SLC49A4: variants seen among roughly 807,000 people sequenced by gnomAD.
SLC49A4 encodes disrupted in renal cancer protein 2.
SLC49A4 carries 36 observed loss-of-function variants against 50.6 expected under a neutral mutation model. The observed-to-expected ratio is 0.71, with a 90% CI of 0.55 to 0.94. The LOEUF (loss-of-function observed/expected upper bound fraction) is 0.94. Ranked by LOEUF, SLC49A4 falls within the 40% of genes least tolerant of loss-of-function variation. The probability of loss-of-function intolerance (pLI) is 0.00; values close to 1 mark genes in which losing one functional copy is unlikely to be tolerated. For synonymous variants in SLC49A4, 248 were observed against 241.2 expected, an observed-to-expected ratio of 1.03 and a Z score of -0.26; for missense variants, 503 against 605.7, an observed-to-expected ratio of 0.83 and a Z score of 1.78.
At chr3:122,856,492 G>A (rs1936991402) in intron 6 of SLC49A4, 118 bp downstream of exon 6, 1 of 914,362 alleles carries the variant, frequency 1.1e-6, no homozygotes, top group Non-Finnish European at 1.7e-6. Context: ...GCAAAGGTCA[G>A]AAAGGGGTAC....
chr3:122,853,248 C>T (rs1936946795), intron 5 of SLC49A4, among the ~76,000 whole-genome samples: 2 of 152,284 alleles, frequency 1.3e-5, no homozygotes, highest in Admixed American at 6.5e-5. Flanking sequence ...GCACTCATCC[C>T]TTAATTACTT....
intron 5 of SLC49A4, among the ~76,000 whole-genome samples, chr3:122,849,961 C>T (rs1177225599): frequency 1.3e-5 from 2 of 151,826 alleles, no homozygotes; most frequent in African/African-American, 4.8e-5. Flanking sequence ...AGTTTCAAGT[C>T]TTACATTGAA....
intron 5 of SLC49A4, among the ~76,000 whole-genome samples, chr3:122,848,116 T>C (rs919529694): frequency 3.9e-5 from 6 of 152,246 alleles, no homozygotes; most frequent in Middle Eastern, 3.2e-3. Context: ...AGTGCTGTTC[T>C]GGAGCTCTGT....
intron 4 of SLC49A4, among the ~76,000 whole-genome samples, chr3:122,835,646 A>G (rs1417124874): frequency 1.3e-5 from 2 of 152,176 alleles, no homozygotes; most frequent in East Asian, 1.9e-4. Flanking sequence ...CACAGCCAAC[A>G]TCATACTGAA....
intron 4 of SLC49A4, among the ~76,000 whole-genome samples, chr3:122,844,553 G>T (rs1936822075): frequency 2.0e-5 from 3 of 152,166 alleles, no homozygotes; most frequent in Admixed American, 1.3e-4. Context: ...AGGCCAAGGT[G>T]GGTGGATCAT....
chr3:122,860,683 C>T (rs1937049514), intron 7 of SLC49A4, among the ~76,000 whole-genome samples: 1 of 152,176 alleles, frequency 6.6e-6, no homozygotes, highest in African/African-American at 2.4e-5. Flanking sequence ...TATATTACAG[C>T]CAGCTTACTT....
At chr3:122,804,092 G>A (rs1311247891) in intron 1 of SLC49A4, among the ~76,000 whole-genome samples, 2 of 152,180 alleles carry the variant, frequency 1.3e-5, no homozygotes, top group South Asian at 2.1e-4. Flanking sequence ...GGTTCTGCGG[G>A]TTTTACAGGA....
chr3:122,871,831 T>C (rs1279994769), intron 7 of SLC49A4, among the ~76,000 whole-genome samples: 1 of 152,150 alleles, frequency 6.6e-6, no homozygotes, highest in Non-Finnish European at 1.5e-5. Context: ...CTAGTCACTA[T>C]TAATTGTACA....
chr3:122,859,735 G>A (rs1937034046), intron 6 of SLC49A4, among the ~76,000 whole-genome samples: 1 of 152,058 alleles, frequency 6.6e-6, no homozygotes, highest in Non-Finnish European at 1.5e-5. Context: ...TGGAAGGATT[G>A]CTTGAGCCTG....
At chr3:122,825,770 C>G (rs890699468) in intron 2 of SLC49A4, among the ~76,000 whole-genome samples, 1 of 151,928 alleles carries the variant, frequency 6.6e-6, no homozygotes, top group Non-Finnish European at 1.5e-5. Flanking sequence ...CAAGAGAGGT[C>G]GACACATCTC....
chr3:122,803,927 C>T (rs762216262), intron 1 of SLC49A4, among the ~76,000 whole-genome samples: 2 of 152,206 alleles, frequency 1.3e-5, no homozygotes, highest in Non-Finnish European at 2.9e-5. Context: ...ATGGCTTTTA[C>T]ACTTACATCC....
chr3:122,795,386 A>G lies in SLC49A4; in HGVS notation c.194A>G (p.Gln65Arg). ...LLLFSLLAFV[Q>R]GLVWNTWGPI... is the part of the protein sequence containing the mutation. ...CTCTTCTCGCTGCTGGCGTTCGTTCAGGGCCTGGTCTGGAACACCTGGGGT... is the reference window on the plus strand; with the variant it reads ...CTCTTCTCGCTGCTGGCGTTCGTTCGGGGCCTGGTCTGGAACACCTGGGGT... The change falls in exon 1 of 9, where the codon CAG becomes CGG. Residue 65 changes from glutamine (Q) to arginine (R), a missense_variant. By Grantham distance (43) the Gln-to-Arg change is conservative (BLOSUM62 1). Coordinates refer to ENST00000261038, the MANE Select transcript of SLC49A4 (RefSeq NM_032839.3). 6.2e-7 allele frequency: 1 copy of G among 1,604,276 alleles called. No homozygotes were observed. Among genetic ancestry groups the G allele is most frequent in the Non-Finnish European group, 8.5e-7 (1 of 1,178,104 alleles).
intron 3 of SLC49A4, among the ~76,000 whole-genome samples, chr3:122,829,762 G>A (rs1171143820): frequency 6.6e-6 from 1 of 152,060 alleles, no homozygotes; most frequent in African/African-American, 2.4e-5. Context: ...AAAACCTGGA[G>A]GTAACATCAC....
intron 4 of SLC49A4, among the ~76,000 whole-genome samples, chr3:122,836,748 A>G (rs1253704119): frequency 1.3e-5 from 2 of 152,162 alleles, no homozygotes; most frequent in Admixed American, 1.3e-4. Context: ...AAGGGTATTC[A>G]ATTAGGAAAA....
chr3:122,803,349 C>G (rs1293332524), intron 1 of SLC49A4, among the ~76,000 whole-genome samples: 1 of 152,074 alleles, frequency 6.6e-6, no homozygotes, highest in East Asian at 1.9e-4. Context: ...AGTGATTATG[C>G]CTGAGCACTC....
rs1343309795 is a variant in SLC49A4 at position 122,802,052 on chromosome 3, C to T, written c.344-4805C>T. Among the ~76,000 whole-genome samples the T allele has an allele frequency of 1.3e-5, 2 of 152,070 alleles. 1 individual carries two copies. Among genetic ancestry groups the T allele is most frequent in the South Asian group, 4.2e-4 (2 of 4,808 alleles). On this transcript the variant is annotated intron_variant, in intron 1 of 8. Coordinates refer to ENST00000261038, the MANE Select transcript of SLC49A4 (RefSeq NM_032839.3). The stretch of plus-strand genomic sequence containing the variant: ...ATTTCATGAGCCAGGCATAGCACAC[C>T]TGTAATCCCAGCTACTGGGGAGGCT...
chr3:122,860,927 C>T (rs1937051684), intron 7 of SLC49A4, among the ~76,000 whole-genome samples: 1 of 152,176 alleles, frequency 6.6e-6, no homozygotes, highest in Non-Finnish European at 1.5e-5. Flanking sequence ...TTTTTCCTTG[C>T]CTTTTCCAAC....
intron 8 of SLC49A4, among the ~76,000 whole-genome samples, chr3:122,873,703 A>T (rs1576313483): frequency 6.6e-6 from 1 of 152,236 alleles, no homozygotes; most frequent in South Asian, 2.1e-4. Context: ...AGTGATATTA[A>T]TGAAGTCAGA....
In SLC49A4 at chr3:122,806,642, C is replaced by T. The variant is rs564775974; in HGVS notation, c.344-215C>T. 5.3e-5 allele frequency among the ~76,000 whole-genome samples: 8 copies of T among 151,928 alleles called. No homozygotes were observed. The South Asian group carries it at 1.7e-3, about 32-fold the overall frequency. On this transcript the variant is annotated intron_variant, in intron 1 of 8. Coordinates refer to ENST00000261038, the MANE Select transcript of SLC49A4 (RefSeq NM_032839.3). ...CTGCCCACCTCGGCCTCTCAAAGTG[C>T]AAGGATTACAGGTGTGAGCCACCAT... is the stretch of plus-strand genomic sequence containing the variant.
Sources: allele counts gnomAD v4.1 joint callset (sites outside exome capture counted in the v4.1 genomes callset), GRCh38; gene constraint gnomAD v4.1.1; transcripts MANE v1.5; gene names NCBI Gene and HGNC (gene_info 2026-07-23, HGNC 2026-07-21).